Variants in LMCD1 observed in about 807,000 individuals in gnomAD.
The protein encoded by LMCD1 is LIM and cysteine rich domains 1.
In LMCD1, 32 loss-of-function variants were observed where a neutral mutation model predicts 42.7. That is an observed-to-expected ratio of 0.75 (90% CI 0.57 to 1.01). LMCD1 has a LOEUF of 1.01. Ranked by LOEUF, LMCD1 falls within the 50% of genes least tolerant of loss-of-function variation. The pLI is 0.00. For synonymous variants in LMCD1, 178 were observed against 184.9 expected (o/e 0.96, Z 0.30); for missense variants, 458 against 483.1 (o/e 0.95, Z 0.49).
intron 1 of LMCD1, among the ~76,000 whole-genome samples, chr3:8,511,239 G>T (rs1693994179): frequency 6.6e-6 from 1 of 152,206 alleles, no homozygotes; most frequent in African/African-American, 2.4e-5. Flanking sequence ...CCTAATGAAG[G>T]TGAAATGGTA....
At chr3:8,520,877 T>C (rs940516043) in intron 1 of LMCD1, among the ~76,000 whole-genome samples, 3 of 152,160 alleles carry the variant, frequency 2.0e-5, no homozygotes, top group African/African-American at 7.2e-5. Context: ...GACCATCCTC[T>C]CACTGACTGA....
At chr3:8,516,096 C>T (rs560109170) in intron 1 of LMCD1, among the ~76,000 whole-genome samples, 10 of 152,286 alleles carry the variant, frequency 6.6e-5, no homozygotes, top group South Asian at 4.1e-4. Context: ...GGATGGTGGA[C>T]GAGCCAGGCC....
At chr3:8,524,708 C>A (rs1694267452) in intron 1 of LMCD1, among the ~76,000 whole-genome samples, 1 of 129,034 alleles carries the variant, frequency 7.7e-6, no homozygotes, top group East Asian at 2.0e-4. Flanking sequence ...GTTGTTGAGA[C>A]AGGGCTTCAC....
At chr3:8,565,747 C>A in intron 5 of LMCD1, 100 bp downstream of exon 5, 1 of 1,162,192 alleles carries the variant, frequency 8.6e-7, no homozygotes, top group Non-Finnish European at 1.2e-6. Flanking sequence ...ATGATGTGTT[C>A]TACAGATTGG....
At chr3:8,562,013 G>A (rs1262474468) in intron 4 of LMCD1, among the ~76,000 whole-genome samples, 2 of 152,198 alleles carry the variant, frequency 1.3e-5, no homozygotes, top group Non-Finnish European at 2.9e-5. Flanking sequence ...ATGAACCAGT[G>A]AATGAATGAG....
At chr3:8,511,975 G>A (rs1195965205) in intron 1 of LMCD1, among the ~76,000 whole-genome samples, 2 of 152,126 alleles carry the variant, frequency 1.3e-5, no homozygotes, top group Non-Finnish European at 2.9e-5. Flanking sequence ...AGGAAAAAAA[G>A]GTAGCCAAAA....
chr3:8,530,379 G>A (rs900771325), intron 1 of LMCD1, among the ~76,000 whole-genome samples: 3 of 152,170 alleles, frequency 2.0e-5, no homozygotes, highest in East Asian at 1.9e-4. Context: ...CCAGACCCCC[G>A]CATCACCGGC....
intron 2 of LMCD1, 150 bp from the exon 3 acceptor site, chr3:8,537,035 C>A (rs1206224751): frequency 1.3e-6 from 1 of 779,600 alleles, no homozygotes; most frequent in Non-Finnish European, 2.0e-6. Context: ...ATTCCAAAGG[C>A]CTTTTTGTCT....
At chr3:8,532,488 G>A (rs1694430396) in intron 1 of LMCD1, among the ~76,000 whole-genome samples, 1 of 152,118 alleles carries the variant, frequency 6.6e-6, no homozygotes, top group African/African-American at 2.4e-5. Flanking sequence ...TGGAGGCTGG[G>A]AAAGAACCCC....
rs1693732437 is a variant in LMCD1 at position 8,501,947 on chromosome 3, G to A, written c.9G>A (p.Lys3=). ...CCCCACCCCAGAAGAGGATGGCAAA[G>A]GTGGCTAAGGACCTCAACCCAGGAG... MA[K]VAKDLNPGVK... Residue 3 remains lysine, a synonymous_variant, in exon 1 of 6, where the codon AAG becomes AAA. Transcript: ENST00000157600. The A allele has an allele frequency of 6.3e-7, 1 of 1,593,876 alleles. No individual in the cohort carries two copies. Among genetic ancestry groups the A allele is most frequent in the Admixed American group, 1.8e-5 (1 of 57,072 alleles).
At chr3:8,528,903 A>G (rs1694352550) in intron 1 of LMCD1, among the ~76,000 whole-genome samples, 1 of 152,136 alleles carries the variant, frequency 6.6e-6, no homozygotes, top group Non-Finnish European at 1.5e-5. Context: ...GCCACCATTC[A>G]GTTTCACGAT....
In LMCD1 at chr3:8,537,206, A is replaced by G; in HGVS notation, c.153A>G (p.Lys51=). The stretch of plus-strand genomic sequence containing the variant: ...CCAGGAAAATATGCAAGTCTTGCAA[A>G]TGCAGCCAAGAGGACCACTGCCTAA... ...HSWRKICKSC[K]CSQEDHCLTS... Residue 51 remains lysine (K), a synonymous_variant, in exon 3 of 6, where the codon AAA becomes AAG. Transcript: ENST00000157600. 1 of 1,614,048 alleles carries G rather than the reference A, an allele frequency of 6.2e-7. No individual in the cohort carries two copies. The highest frequency in any genetic ancestry group is 2.2e-5 in the East Asian group (1 of 44,880).
chr3:8,553,047 GA>G (rs1250421030), intron 4 of LMCD1, among the ~76,000 whole-genome samples: 3 of 152,194 alleles, frequency 2.0e-5, no homozygotes, highest in Admixed American at 6.5e-5. Flanking sequence ...GCCCACCTTT[GA>G]GAATACTGCA....
chr3:8,568,275 A>C lies in LMCD1; in HGVS notation c.*677A>C, dbSNP rs367840148. ...GGCTTTGGGACAGAACCCCCGCCCCACCTGCCTATTCCAGATACTCCCAGA... is the reference window on the plus strand; with the variant it reads ...GGCTTTGGGACAGAACCCCCGCCCCCCCTGCCTATTCCAGATACTCCCAGA... On this transcript the variant is annotated 3_prime_UTR_variant, in exon 6 of 6. Transcript: ENST00000157600. 1 of 152,172 alleles carries C rather than the reference A, an allele frequency of 6.6e-6. No individual in the cohort carries two copies. Among genetic ancestry groups the C allele is most frequent in the African/African-American group, 2.4e-5 (1 of 41,440 alleles). 9.4% of individuals were successfully genotyped at this position (152,172 alleles called of 1,614,324 possible).
At chr3:8,517,897 A>T (rs1308773332) in intron 1 of LMCD1, among the ~76,000 whole-genome samples, 1 of 152,226 alleles carries the variant, frequency 6.6e-6, no homozygotes, top group Non-Finnish European at 1.5e-5. Flanking sequence ...CAGATGGTAT[A>T]TGGAGAACAA....
intron 4 of LMCD1, among the ~76,000 whole-genome samples, chr3:8,556,272 A>T: frequency 6.6e-6 from 1 of 152,172 alleles, no homozygotes; most frequent in East Asian, 1.9e-4. Context: ...GTGTTTTCAA[A>T]CTTCAGGTCA....
At chr3:8,557,818 GT>G (rs2125037259) in intron 4 of LMCD1, among the ~76,000 whole-genome samples, 1 of 152,352 alleles carries the variant, frequency 6.6e-6, no homozygotes, top group South Asian at 2.1e-4. Flanking sequence ...GCAGGGTTCA[GT>G]GAGGACAGCT....
intron 4 of LMCD1, among the ~76,000 whole-genome samples, chr3:8,555,775 G>A (rs193070843): frequency 1.0e-4 from 12 of 120,514 alleles, no homozygotes; most frequent in Admixed American, 5.8e-4. Context: ...GATTAAAACA[G>A]GGATTGGTAA....
Position 8,548,819 on chromosome 3 carries a change from G to A in LMCD1, c.639G>A (p.Lys213=). Reference sequence around the variant, plus strand: ...GTGGCTTGCCCAAGGAGGAGGGGAAGCAGCAGGAAAAGCCAGAGGGGGCAG... The same window carrying A: ...GTGGCTTGCCCAAGGAGGAGGGGAAACAGCAGGAAAAGCCAGAGGGGGCAG... ...GQGGLPKEEG[K]QQEKPEGAET... is the part of the protein sequence containing the mutation. Residue 213 remains lysine, a synonymous_variant, in exon 4 of 6, where the codon AAG becomes AAA. Transcript: ENST00000157600. The A allele has an allele frequency of 6.2e-7, 1 of 1,604,370 alleles. No individual in the cohort carries two copies. Among genetic ancestry groups the A allele is most frequent in the Non-Finnish European group, 8.5e-7 (1 of 1,172,604 alleles).
Sources: gnomAD v4.1 joint callset for allele counts (sites outside exome capture counted in the v4.1 genomes callset) on GRCh38, gnomAD v4.1.1 for gene constraint, MANE v1.5 for transcripts, NCBI Gene and HGNC (gene_info 2026-07-23, HGNC 2026-07-21) for gene names.